The following AGBL1 variants were observed in gnomAD, a reference collection of about 807,000 sequenced individuals.
AGBL1 encodes AGBL carboxypeptidase 1.
AGBL1 carries 130 observed loss-of-function variants against 118.9 expected under a neutral mutation model. That is an observed-to-expected ratio of 1.09 (90% CI 0.95 to 1.26). AGBL1 has a LOEUF of 1.26. Ranked by LOEUF, AGBL1 falls within the 50% of genes most tolerant of loss-of-function variation. The pLI, the probability that AGBL1 is intolerant of heterozygous loss-of-function variation, is 0.00. For synonymous variants in AGBL1, 555 were observed against 478.9 expected (o/e 1.16, Z -2.08); for missense variants, 1,584 against 1,298.1 (o/e 1.22, Z -3.38).
At chr15:86,253,036 C>T (rs7172120) in intron 7 of AGBL1, among the ~76,000 whole-genome samples, 1,778 of 152,016 alleles carry the variant, frequency 0.012, 35 homozygotes, top group African/African-American at 0.032. Flanking sequence ...GGTCTGGAGA[C>T]GAGGGTTCCA....
chr15:86,552,937 T>C (rs1029342504), intron 20 of AGBL1, among the ~76,000 whole-genome samples: 1 of 151,836 alleles, frequency 6.6e-6, no homozygotes, highest in South Asian at 2.1e-4. Flanking sequence ...TTATATAATA[T>C]GTAATTTATA....
chr15:86,544,968 G>A (rs148664268), intron 19 of AGBL1, among the ~76,000 whole-genome samples: 268 of 152,276 alleles, frequency 1.8e-3, no homozygotes, highest in African/African-American at 6.0e-3. Context: ...CACTGCCCTT[G>A]TCATATGATT....
At chr15:86,917,542 C>T (rs2080438857), downstream of AGBL1, among the ~76,000 whole-genome samples, 1 of 152,194 alleles carries the variant, frequency 6.6e-6, no homozygotes, top group South Asian at 2.1e-4. This position sits in a 1 kb window ranked among gnomAD's most constrained non-coding sequence, Gnocchi z 4.8. Context: ...ACAGCAGTGA[C>T]CTAGCAGCAG....
chr15:86,088,672 A>C (rs1280314254), intron 1 of AGBL1, among the ~76,000 whole-genome samples: 1 of 152,250 alleles, frequency 6.6e-6, no homozygotes, highest in Non-Finnish European at 1.5e-5. Context: ...AGCGTTGTGG[A>C]AACAGATGGA....
intron 1 of AGBL1, among the ~76,000 whole-genome samples, chr15:86,094,898 A>G (rs1896256525): frequency 6.6e-6 from 1 of 152,120 alleles, no homozygotes; most frequent in East Asian, 1.9e-4. Context: ...AGATCTCACA[A>G]GTTAAGGGCT....
chr15:86,452,069 C>T (rs2082200083), intron 18 of AGBL1, among the ~76,000 whole-genome samples: 1 of 152,090 alleles, frequency 6.6e-6, no homozygotes, highest in South Asian at 2.1e-4. Context: ...TTATGCCAGC[C>T]ACAGTAGCTT....
intron 22 of AGBL1, among the ~76,000 whole-genome samples, chr15:86,707,552 A>T (rs576706171): frequency 9.2e-5 from 14 of 152,110 alleles, no homozygotes; most frequent in Admixed American, 7.9e-4. Context: ...GTAATTGACT[A>T]TTGCATGCTT....
At position 86,195,161 on chromosome 15, in the gene AGBL1, A is replaced by T. The variant is rs573707232; in HGVS notation, c.489-29753A>T. 4.6e-5 allele frequency among the ~76,000 whole-genome samples: 7 copies of T among 152,272 alleles called. No individual in the cohort carries two copies. The East Asian group carries it at 7.7e-4, about 17-fold the overall frequency. ...GGGAAGGACTGATGAGTAGAAAAAG[A>T]TATGGTCTCTGTCCTGAGTTTTATA... On this transcript the variant is annotated intron_variant, in intron 5 of 22. Coordinates refer to ENST00000614907, the MANE Select transcript of AGBL1 (RefSeq NM_001386094.1).
intron 21 of AGBL1, among the ~76,000 whole-genome samples, chr15:86,610,259 G>C (rs545755794): frequency 6.6e-6 from 1 of 151,682 alleles, no homozygotes; most frequent in East Asian, 1.9e-4. Flanking sequence ...CATACTGTTG[G>C]GTTAATGCCA....
rs941355254 is a variant in AGBL1, at chr15:86,838,195, C to T, written c.3159-68892C>T. Among the ~76,000 whole-genome samples, 10 of 150,458 alleles carry T rather than the reference C, an allele frequency of 6.6e-5. No homozygotes were observed. In the East Asian group the frequency reaches 1.6e-3, roughly 24 times the overall value. On this transcript the variant is annotated intron_variant, in intron 22 of 22. Coordinates refer to ENST00000614907, the MANE Select transcript of AGBL1 (RefSeq NM_001386094.1). ...CTCTGTAACCTAAAAAAAAAAAAAT[C>T]TTATGTTTATATTTTTCCTTTGAAA...
chr15:86,139,013 T>C (rs1364341755), intron 1 of AGBL1, among the ~76,000 whole-genome samples: 2 of 152,204 alleles, frequency 1.3e-5, no homozygotes, highest in Non-Finnish European at 2.9e-5. Context: ...TTTCTAGTTT[T>C]TCATAGACTA....
At chr15:86,111,292 G>A (rs759315045) in intron 1 of AGBL1, among the ~76,000 whole-genome samples, 7 of 152,204 alleles carry the variant, frequency 4.6e-5, no homozygotes, top group Middle Eastern at 3.2e-3. Flanking sequence ...GTTCTGCTTG[G>A]GCAGTATGTA....
At chr15:86,240,344 T>C (rs1033288856) in intron 6 of AGBL1, among the ~76,000 whole-genome samples, 1 of 152,238 alleles carries the variant, frequency 6.6e-6, no homozygotes, top group African/African-American at 2.4e-5. Context: ...GAGACTACTT[T>C]ATCCAGAAAC....
intron 17 of AGBL1, among the ~76,000 whole-genome samples, chr15:86,330,265 G>A (rs1057411959): frequency 2.1e-4 from 32 of 152,186 alleles, no homozygotes; most frequent in Admixed American, 1.8e-3. Flanking sequence ...ACAGCTGGCT[G>A]TAACCCATAA....
chr15:86,511,126 T>A (rs2083047903), intron 18 of AGBL1, among the ~76,000 whole-genome samples: 1 of 152,072 alleles, frequency 6.6e-6, no homozygotes, highest in Non-Finnish European at 1.5e-5. Context: ...TATATGACAT[T>A]TTTGTCTTTT....
intron 17 of AGBL1, among the ~76,000 whole-genome samples, chr15:86,384,460 C>T (rs1487566843): frequency 2.0e-5 from 3 of 152,082 alleles, no homozygotes; most frequent in Non-Finnish European, 4.4e-5. Context: ...AAGTGACTGC[C>T]GTTTCTGTGT....
intron 23 of AGBL1, among the ~76,000 whole-genome samples, chr15:86,974,583 TA>T (rs1426605472): frequency 1.4e-5 from 2 of 139,084 alleles, no homozygotes; most frequent in African/African-American, 5.6e-5. Context: ...ATTAAATATA[TA>T]AAAATTATAT....
intron 1 of AGBL1, among the ~76,000 whole-genome samples, chr15:86,113,435 C>A (rs949236211): frequency 1.5e-4 from 23 of 151,504 alleles, no homozygotes; most frequent in African/African-American, 5.6e-4. Context: ...TTACAGGTGC[C>A]CACCACCATG....
intron 22 of AGBL1, among the ~76,000 whole-genome samples, chr15:86,878,729 G>T (rs530015141): frequency 6.6e-6 from 1 of 152,248 alleles, no homozygotes; most frequent in African/African-American, 2.4e-5. Context: ...ATGCTTTATA[G>T]GCAGTAGGTG....
Sources: allele counts gnomAD v4.1 joint callset (sites outside exome capture counted in the v4.1 genomes callset), GRCh38; gene constraint gnomAD v4.1.1; non-coding constraint Gnocchi (gnomAD v3.1); transcripts MANE v1.5; gene names NCBI Gene and HGNC (gene_info 2026-07-23, HGNC 2026-07-21).